Variants in NLGN3 observed in about 807,000 individuals in gnomAD.
NLGN3 encodes neuroligin 3.
A neutral mutation model predicts 42.9 loss-of-function variants in NLGN3; 11 were observed. The ratio of observed to expected loss-of-function variants is 0.26; its 90% CI spans 0.16 to 0.42. The LOEUF (loss-of-function observed/expected upper bound fraction) is 0.42, where lower values mean the gene tolerates loss of function less well. NLGN3 is among the 10% of genes least tolerant of loss of function. NLGN3 has a pLI of 1.00. For synonymous variants in NLGN3, 279 were observed against 312.7 expected, an observed-to-expected ratio of 0.89 and a Z score of 1.14; for missense variants, 374 against 733.8, an observed-to-expected ratio of 0.51 and a Z score of 5.67.
chrX:71,161,396 G>A (rs1410741323), intron 5 of NLGN3, among the ~76,000 whole-genome samples: 1 of 109,406 alleles, frequency 9.1e-6, no homozygotes, highest in Non-Finnish European at 1.9e-5. Context: ...TTACAGGCAT[G>A]AGCCACCACG....
At chrX:71,157,934 C>T (rs901788497) in intron 5 of NLGN3, among the ~76,000 whole-genome samples, 1 of 109,771 alleles carries the variant, frequency 9.1e-6, no homozygotes, top group Non-Finnish European at 1.9e-5. Context: ...TCTGCTCCTG[C>T]CCCTCTGTCT....
chrX:71,164,394 T>C (rs2092440104), intron 6 of NLGN3, 66 bp downstream of exon 6: 1 of 1,077,150 alleles, frequency 9.3e-7, no homozygotes, highest in Admixed American at 2.4e-5. Context: ...GCCCCATCCA[T>C]GCCCCAGGGC....
chrX:71,145,012 G>T (rs1397479252), intron 1 of NLGN3, 48 bp downstream of exon 1: 1 of 107,495 alleles, frequency 9.3e-6, no homozygotes, highest in Non-Finnish European at 1.9e-5. Context: ...CCCATACCTT[G>T]CCCCCATCCT....
intron 4 of NLGN3, among the ~76,000 whole-genome samples, chrX:71,154,731 C>G (rs1342199196): frequency 8.9e-6 from 1 of 111,777 alleles, no homozygotes; most frequent in African/African-American, 3.3e-5. Context: ...CCTCTTGTCT[C>G]TGTCTGCACT....
At chrX:71,174,982 A>G (rs949384698), downstream of NLGN3, among the ~76,000 whole-genome samples, 4 of 112,135 alleles carry the variant, frequency 3.6e-5, no homozygotes, top group Non-Finnish European at 5.6e-5. Flanking sequence ...TTTCAGAACA[A>G]AGGAGGTGAT....
intron 7 of NLGN3, 103 bp downstream of exon 7, chrX:71,167,903 C>G: frequency 1.3e-6 from 1 of 757,575 alleles, no homozygotes; most frequent in Non-Finnish European, 2.0e-6. Flanking sequence ...CTAAGATATT[C>G]CCAAAATCTT....
downstream of NLGN3, chrX:71,171,642 A>G (rs1409492908): frequency 5.4e-6 from 4 of 747,365 alleles, no homozygotes; most frequent in Non-Finnish European, 4.7e-6. Flanking sequence ...TCTTTCTCCT[A>G]TCTGAATCCA....
intron 5 of NLGN3, among the ~76,000 whole-genome samples, chrX:71,156,469 C>G (rs1365296954): frequency 2.7e-5 from 3 of 110,772 alleles, no homozygotes; most frequent in African/African-American, 9.9e-5. Flanking sequence ...TTATGTCATT[C>G]CCCTACACAT....
At position 71,170,863 on chromosome X, in the gene NLGN3, C is replaced by G; in HGVS notation, c.*766C>G. On this transcript the variant is annotated 3_prime_UTR_variant, in exon 8 of 8. Coordinates refer to ENST00000358741, the MANE Select transcript of NLGN3 (RefSeq NM_181303.2). ...GAGCCTGCAGGGTGACCTGCTTCCC[C>G]AAAGGCCAACAGCATTGGCCTGGCC... 7.9e-6 allele frequency: 6 copies of G among 755,779 alleles called. No homozygotes were observed. Among genetic ancestry groups the G allele is most frequent in the Non-Finnish European group, 7.8e-6 (5 of 640,123 alleles). The allele number at this position is 755,779 out of a possible 1,213,427, so 62.3% of individuals were successfully genotyped here.
At chrX:71,168,256 C>T (rs2092453364) in intron 7 of NLGN3, among the ~76,000 whole-genome samples, 2 of 111,002 alleles carry the variant, frequency 1.8e-5, no homozygotes, top group East Asian at 2.8e-4. Context: ...GTGGGAGGAT[C>T]GCTTGAGCCC....
At chrX:71,146,107 C>CCTCCTCT (rs1200596523) in intron 1 of NLGN3, among the ~76,000 whole-genome samples, 1 of 98,150 alleles carries the variant, frequency 1.0e-5, no homozygotes, top group African/African-American at 3.8e-5. Flanking sequence ...ACCCGCCCTC[C>CCTCCTCT]CTCCTCTTCC....
Position 71,167,435 on chromosome X carries a change from T to A in NLGN3, c.1338T>A (p.Gly446=). 8.3e-7 allele frequency: 1 copy of A among 1,210,931 alleles called. No individual in the cohort carries two copies. Residue 446 remains glycine (G), a synonymous_variant, in exon 7 of 8, where the codon GGT becomes GGA. Coordinates refer to ENST00000358741, the MANE Select transcript of NLGN3 (RefSeq NM_181303.2). ...FVDNLYGYPE[G]KDTLRETIKF... ...ACAATCTGTATGGCTATCCTGAGGG[T>A]AAGGACACCCTGCGAGAGACCATCA...
intron 5 of NLGN3, among the ~76,000 whole-genome samples, 160 bp from the exon 6 acceptor site, chrX:71,163,983 C>T (rs908383420): frequency 1.8e-5 from 2 of 112,921 alleles, no homozygotes; most frequent in Non-Finnish European, 3.7e-5. Flanking sequence ...CGATGCTGGA[C>T]ATTGCAGAAA....
At chrX:71,146,183 A>T (rs2092368979) in intron 1 of NLGN3, among the ~76,000 whole-genome samples, 1 of 84,834 alleles carries the variant, frequency 1.2e-5, no homozygotes, top group African/African-American at 4.5e-5. Context: ...ACACACACAC[A>T]CACACACACA....
rs769930005 is a variant in NLGN3, at chrX:71,147,799, C to A, written c.50C>A (p.Thr17Lys). The A allele has an allele frequency of 8.3e-7, 1 of 1,210,199 alleles. No homozygotes were observed. The highest frequency in any genetic ancestry group is 1.8e-5 in the South Asian group (1 of 56,641). ...PPSLSLSPKP[T>K]VGRSLCLTLW... ...TCGCTGTCCCTGAGCCCCAAGCCCA[C>A]GGTTGGCAGGAGCCTGTGCCTCACC... Residue 17 changes from threonine to lysine, a missense_variant, in exon 2 of 8, where the codon ACG (threonine) becomes AAG (lysine). Physicochemically the swap from Thr to Lys is moderately conservative, Grantham distance 78. Around this residue, in one of 6 missense-constraint regions of NLGN3, gnomAD observed 109 missense variants for 173.3 expected, o/e 0.63. Transcript: ENST00000358741.
chrX:71,155,551 T>C (rs1411566980), intron 5 of NLGN3, among the ~76,000 whole-genome samples, 188 bp downstream of exon 5: 2 of 112,216 alleles, frequency 1.8e-5, no homozygotes, highest in African/African-American at 6.5e-5. Context: ...GGCCCTTTCT[T>C]GGAAGGTTTA....
Position 71,147,626 on chromosome X carries a change from C to T in NLGN3, c.-124C>T. On this transcript the variant is annotated 5_prime_UTR_variant, in exon 2 of 8. Transcript: ENST00000358741. ...ACCTGCTCTCTACATTGCTGGGCAC[C>T]TGTAGGTGTCCCTCGAGAGCTCAGT... is the stretch of plus-strand genomic sequence containing the variant. The T allele has an allele frequency of 1.7e-6, 1 of 584,681 alleles. No individual in the cohort carries two copies. The highest frequency in any genetic ancestry group is 2.8e-6 in the Non-Finnish European group (1 of 353,200). The allele number at this position is 584,681 out of a possible 1,213,427, so 48.2% of individuals were successfully genotyped here. A position where few individuals can be genotyped will look rare whatever the true frequency, so the allele number is the denominator to read the frequency against.
At chrX:71,154,494 T>C (rs890013711) in intron 4 of NLGN3, among the ~76,000 whole-genome samples, 1 of 112,676 alleles carries the variant, frequency 8.9e-6, no homozygotes, top group Admixed American at 9.3e-5. Context: ...GAATGGCCTC[T>C]GGGGAGGCTC....
In NLGN3 at chrX:71,170,157, GCACACACA is replaced by G. The variant is rs112095862; in HGVS notation, c.*74_*81del. 7 of 1,065,050 alleles carry G rather than the reference GCACACACA, an allele frequency of 6.6e-6. No individual in the cohort carries two copies. The highest frequency in any genetic ancestry group is 2.4e-5 in the Admixed American group (1 of 41,321). The allele number at this position is 1,065,050 out of a possible 1,213,427, so 87.8% of individuals were successfully genotyped here. A position where few individuals can be genotyped will look rare whatever the true frequency, so the allele number is the denominator to read the frequency against. On this transcript the variant is annotated 3_prime_UTR_variant, in exon 8 of 8. Coordinates refer to ENST00000358741, the MANE Select transcript of NLGN3 (RefSeq NM_181303.2). ...CTCCCTCCCAGATCCAGGAACACATGCACACACACACACACACACACGCAGACACACAC... is the reference window on the plus strand; with the variant it reads ...CTCCCTCCCAGATCCAGGAACACATGCACACACACACACGCAGACACACAC...
Sources: gnomAD v4.1 joint callset for allele counts (sites outside exome capture counted in the v4.1 genomes callset) on GRCh38, gnomAD v4.1.1 for gene constraint, gnomAD v4.1.1 regional missense constraint, MANE v1.5 for transcripts, NCBI Gene and HGNC (gene_info 2026-07-23, HGNC 2026-07-21) for gene names.